PCSK6: variants seen among roughly 807,000 people sequenced by gnomAD.
The protein encoded by PCSK6 is proprotein convertase subtilisin/kexin type 6, also known as paired basic amino acid cleaving enzyme 4.
PCSK6 carries 85 observed loss-of-function variants against 123.3 expected under a neutral mutation model. The ratio of observed to expected loss-of-function variants is 0.69; its 90% CI spans 0.58 to 0.83. The LOEUF (loss-of-function observed/expected upper bound fraction) is 0.83. Ranked by LOEUF, PCSK6 falls within the 40% of genes least tolerant of loss-of-function variation. PCSK6 has a pLI of 0.00. For missense variants in PCSK6, 1,191 were observed against 1,282.3 expected (o/e 0.93, Z 1.09); for synonymous variants, 508 against 516.0 (o/e 0.98, Z 0.21).
intron 1 of PCSK6, among the ~76,000 whole-genome samples, chr15:101,454,739 G>A (rs1261431375): frequency 1.3e-5 from 2 of 152,082 alleles, no homozygotes; most frequent in Admixed American, 1.3e-4. Flanking sequence ...GAGGTCAGGA[G>A]TTAGAGACCA....
chr15:101,455,477 C>A (rs1009297707), intron 1 of PCSK6, among the ~76,000 whole-genome samples: 2 of 152,260 alleles, frequency 1.3e-5, no homozygotes, highest in African/African-American at 4.8e-5. Flanking sequence ...CCGGGACTGA[C>A]AGTCATGGGT....
Position 101,398,599 on chromosome 15 carries a change from G to C in PCSK6, c.824-23C>G. ...TGCCTGAAAGCACAGAGGAGGCTCG[G>C]TGTCGGCGCCCAGGCTCCGGGCACA... On this transcript the variant is annotated intron_variant, in intron 6 of 21. Transcript: ENST00000611716. The surrounding 1 kb of genome is among the most constrained non-coding windows in gnomAD (Gnocchi z 4.6). 1 of 1,596,358 alleles carries C rather than the reference G, an allele frequency of 6.3e-7. No individual in the cohort carries two copies. The highest frequency in any genetic ancestry group is 1.1e-5 in the South Asian group (1 of 90,652).
At chr15:101,396,914 T>C (rs8035429) in intron 7 of PCSK6, among the ~76,000 whole-genome samples, 131,832 of 151,980 alleles carry the variant, frequency 0.87, 57,277 homozygotes, top group East Asian at 0.94. Flanking sequence ...GAGGGACAGG[T>C]GGGTAGATAC....
At chr15:101,440,194 C>T (rs1022824665) in intron 2 of PCSK6, among the ~76,000 whole-genome samples, 7 of 152,200 alleles carry the variant, frequency 4.6e-5, no homozygotes, top group Admixed American at 3.3e-4. Flanking sequence ...AAAAACCCAG[C>T]GACCGATAAC....
At position 101,458,417 on chromosome 15, in the gene PCSK6, C is replaced by A. The variant is rs145940366; in HGVS notation, c.298-14757G>T. On this transcript the variant is annotated intron_variant, in intron 1 of 21. Transcript: ENST00000611716. ...CCCGAGCTGGGCAATGTGGCCCGGG[C>A]TATACACAGTCACTGGACCCCCGGG... Among the ~76,000 whole-genome samples the A allele has an allele frequency of 5.2e-3, 786 of 152,228 alleles. 7 individuals are homozygous for A. Among genetic ancestry groups the A allele is most frequent in the African/African-American group, 0.018 (728 of 41,510 alleles).
chr15:101,378,719 C>CT (rs1286302151), intron 11 of PCSK6, among the ~76,000 whole-genome samples: 1 of 152,200 alleles, frequency 6.6e-6, no homozygotes, highest in African/African-American at 2.4e-5. Context: ...CTTCCAGGGA[C>CT]TTCTTCTTAT....
chr15:101,489,603 G>A lies in PCSK6; in HGVS notation c.68C>T (p.Thr23Ile). 1.0e-6 allele frequency: 1 copy of A among 964,900 alleles called. No individual in the cohort carries two copies. The highest frequency in any genetic ancestry group is 1.2e-6 in the Non-Finnish European group (1 of 818,414). The allele number at this position is 964,900 out of a possible 1,614,324, so 59.8% of individuals were successfully genotyped here. A position where few individuals can be genotyped will look rare whatever the true frequency, so the allele number is the denominator to read the frequency against. Residue 23 changes from threonine to isoleucine, a missense_variant, in exon 1 of 22, where the codon ACC (threonine) becomes ATC (isoleucine). Physicochemically the swap from Thr to Ile is moderately conservative, Grantham distance 89 (BLOSUM62 -1). This residue lies in a region of PCSK6 where 204 missense variants were observed against 166.4 expected (regional missense o/e 1.23). Transcript: ENST00000611716. ...CCCCGCGCCCCCCGCGCCCGCGGCG[G>A]TGTCGGTGGCGGCGGCGGCCCGGGG... ...PPPRAAAATD[T>I]AAGAGGAGGA... is the part of the protein sequence containing the mutation.
chr15:101,458,501 G>C (rs1325630928), intron 1 of PCSK6, among the ~76,000 whole-genome samples: 2 of 152,152 alleles, frequency 1.3e-5, no homozygotes, highest in Non-Finnish European at 2.9e-5. Context: ...CCTTGGTACA[G>C]ACTCCAGCAA....
intron 20 of PCSK6, among the ~76,000 whole-genome samples, chr15:101,311,662 C>T (rs993528624): frequency 3.1e-5 from 2 of 64,116 alleles, no homozygotes; most frequent in South Asian, 9.0e-4. Flanking sequence ...CCATCGTCAC[C>T]CCTCACAGCC....
At chr15:101,357,999 A>G (rs556110889) in intron 13 of PCSK6, among the ~76,000 whole-genome samples, 118 of 152,292 alleles carry the variant, frequency 7.7e-4, no homozygotes, top group Non-Finnish European at 1.3e-3. Flanking sequence ...GGAAGGGCCC[A>G]GACCTGCCCC....
intron 9 of PCSK6, among the ~76,000 whole-genome samples, chr15:101,384,928 A>G (rs77868817): frequency 0.034 from 5,138 of 152,330 alleles, 299 homozygotes; most frequent in African/African-American, 0.12. Flanking sequence ...TTGGGGAAGT[A>G]GAAACATTTC....
chr15:101,364,953 T>G, intron 13 of PCSK6: 1 of 774,678 alleles, frequency 1.3e-6, no homozygotes, highest in Non-Finnish European at 2.4e-6. Context: ...GACTCCAAGA[T>G]AGATATACAG....
intron 7 of PCSK6, among the ~76,000 whole-genome samples, chr15:101,394,342 G>T (rs2042337718): frequency 6.6e-6 from 1 of 152,102 alleles, no homozygotes; most frequent in Non-Finnish European, 1.5e-5. Context: ...CAGCCAGTCA[G>T]GGCAGATTCC....
chr15:101,392,060 C>G (rs1161338106), intron 8 of PCSK6, among the ~76,000 whole-genome samples: 2 of 152,344 alleles, frequency 1.3e-5, no homozygotes, highest in South Asian at 4.1e-4. Context: ...CCTGCCTGCA[C>G]GCAGTCCATG....
intron 13 of PCSK6, among the ~76,000 whole-genome samples, chr15:101,340,153 G>A (rs1004192676): frequency 2.6e-5 from 4 of 151,984 alleles, no homozygotes; most frequent in South Asian, 2.1e-4. Flanking sequence ...GTACACACAC[G>A]TCCATGGATG....
intron 7 of PCSK6, among the ~76,000 whole-genome samples, chr15:101,394,542 A>G (rs1227413937): frequency 6.6e-6 from 1 of 152,322 alleles, no homozygotes; most frequent in Non-Finnish European, 1.5e-5. Flanking sequence ...CTCCACGGGA[A>G]ACTGGAGCCA....
At chr15:101,439,096 G>A (rs560885783) in intron 2 of PCSK6, among the ~76,000 whole-genome samples, 20 of 152,360 alleles carry the variant, frequency 1.3e-4, no homozygotes, top group Non-Finnish European at 2.6e-4. Context: ...GTGCAGTGGT[G>A]CAGGCAAGAG....
intron 1 of PCSK6, among the ~76,000 whole-genome samples, chr15:101,464,750 G>A (rs899992319): frequency 6.6e-6 from 1 of 152,170 alleles, no homozygotes; most frequent in African/African-American, 2.4e-5. Context: ...CCTGGAGCTG[G>A]TCTCCTCACC....
At chr15:101,328,554 T>G (rs1227027778) in intron 15 of PCSK6, among the ~76,000 whole-genome samples, 1 of 152,130 alleles carries the variant, frequency 6.6e-6, no homozygotes, top group Non-Finnish European at 1.5e-5. Flanking sequence ...AGGACAGCCT[T>G]GGGGAGGGTC....
Sources: gnomAD v4.1 joint callset for allele counts (sites outside exome capture counted in the v4.1 genomes callset) on GRCh38, gnomAD v4.1.1 for gene constraint, gnomAD v4.1.1 regional missense constraint, Gnocchi (gnomAD v3.1) non-coding constraint, MANE v1.5 for transcripts, NCBI Gene and HGNC (gene_info 2026-07-23, HGNC 2026-07-21) for gene names.